The following CNTN4 variants were observed in gnomAD, a reference collection of about 807,000 sequenced individuals.
The protein encoded by CNTN4 is contactin-4.
CNTN4 carries 77 observed loss-of-function variants against 122.5 expected under a neutral mutation model. The observed-to-expected ratio is 0.63, with a 90% CI of 0.52 to 0.76. CNTN4 has a LOEUF of 0.76. CNTN4 is among the 30% of genes least tolerant of loss of function. CNTN4 has a pLI of 0.00. For synonymous variants in CNTN4, 512 were observed against 447.0 expected, an observed-to-expected ratio of 1.15 and a Z score of -1.83; for missense variants, 1,256 against 1,259.1, an observed-to-expected ratio of 1.00 and a Z score of 0.04.
chr3:2,392,545 G>A (rs2046477766), intron 3 of CNTN4, among the ~76,000 whole-genome samples: 1 of 151,746 alleles, frequency 6.6e-6, no homozygotes, highest in Admixed American at 6.6e-5. Flanking sequence ...TGTATATATG[G>A]GGTACAGTGT....
At chr3:2,358,169 A>G (rs963977940) in intron 3 of CNTN4, among the ~76,000 whole-genome samples, 1 of 152,186 alleles carries the variant, frequency 6.6e-6, no homozygotes, top group Non-Finnish European at 1.5e-5. Flanking sequence ...AAAAGGATAC[A>G]ATATTTCTAT....
At chr3:3,038,214 G>A (rs1357752058) in intron 18 of CNTN4, among the ~76,000 whole-genome samples, 1 of 152,118 alleles carries the variant, frequency 6.6e-6, no homozygotes, top group Non-Finnish European at 1.5e-5. Context: ...CTAGTCCCCT[G>A]CTTTCTTTTC....
At chr3:2,519,609 C>T (rs548476118) in intron 3 of CNTN4, among the ~76,000 whole-genome samples, 9 of 152,154 alleles carry the variant, frequency 5.9e-5, no homozygotes, top group East Asian at 1.9e-4. Flanking sequence ...GCTGAACACA[C>T]GAAGTGTGAG....
rs561555408 is a variant in CNTN4, at chr3:2,412,010, T to C, written c.-89+72777T>C. Among the ~76,000 whole-genome samples the C allele has an allele frequency of 3.3e-5, 5 of 152,328 alleles. No individual in the cohort carries two copies. The South Asian group carries it at 1.0e-3, about 32-fold the overall frequency. On this transcript the variant is annotated intron_variant, in intron 3 of 24. Coordinates refer to ENST00000418658, the MANE Select transcript of CNTN4 (RefSeq NM_175607.3). ...TTCTATCCTGAGGTAATTTGTCTTCTGACTTCTATCACCGTAGATTAATTT... is the reference window on the plus strand; with the variant it reads ...TTCTATCCTGAGGTAATTTGTCTTCCGACTTCTATCACCGTAGATTAATTT...
chr3:2,524,632 G>A (rs2149179931), intron 3 of CNTN4, among the ~76,000 whole-genome samples: 1 of 152,182 alleles, frequency 6.6e-6, no homozygotes, highest in Middle Eastern at 3.4e-3. Flanking sequence ...TTGAACAAAG[G>A]AACTATCCCT....
intron 3 of CNTN4, among the ~76,000 whole-genome samples, chr3:2,503,301 G>A (rs1019250577): frequency 6.6e-6 from 1 of 152,094 alleles, no homozygotes; most frequent in African/African-American, 2.4e-5. Flanking sequence ...TGACAAAGCA[G>A]GCATAGTAAG....
chr3:3,051,248 A>G (rs1304633194), intron 23 of CNTN4, among the ~76,000 whole-genome samples: 7 of 152,144 alleles, frequency 4.6e-5, no homozygotes, highest in African/African-American at 9.7e-5. Context: ...TATTCCCACA[A>G]ATCCATTCTT....
intron 3 of CNTN4, among the ~76,000 whole-genome samples, chr3:2,349,989 C>T (rs1273854201): frequency 6.6e-6 from 1 of 152,134 alleles, no homozygotes; most frequent in Non-Finnish European, 1.5e-5. Flanking sequence ...AGGGAACAGA[C>T]TTAGAGCAAT....
At chr3:2,777,184 A>C (rs1361737929) in intron 6 of CNTN4, among the ~76,000 whole-genome samples, 3 of 152,150 alleles carry the variant, frequency 2.0e-5, no homozygotes, top group Non-Finnish European at 4.4e-5. Context: ...GCTTTCAGGA[A>C]AATCACATTT....
chr3:2,695,938 T>C (rs1047830909), intron 4 of CNTN4, among the ~76,000 whole-genome samples: 17 of 152,254 alleles, frequency 1.1e-4, no homozygotes, highest in African/African-American at 4.1e-4. Flanking sequence ...GTGGGGGTAA[T>C]GACACTATAG....
At chr3:2,868,850 G>T (rs983858793) in intron 8 of CNTN4, among the ~76,000 whole-genome samples, 1 of 152,080 alleles carries the variant, frequency 6.6e-6, no homozygotes, top group African/African-American at 2.4e-5. Flanking sequence ...GGTGGGTTTG[G>T]GGGGTGGTGG....
chr3:3,019,900 T>C (rs1262069154), intron 14 of CNTN4, among the ~76,000 whole-genome samples: 1 of 151,078 alleles, frequency 6.6e-6, no homozygotes, highest in East Asian at 1.9e-4. Flanking sequence ...CTGAGGAGTG[T>C]ATATGAAGGT....
At chr3:2,659,619 T>C (rs2083778685) in intron 4 of CNTN4, among the ~76,000 whole-genome samples, 1 of 152,328 alleles carries the variant, frequency 6.6e-6, no homozygotes, top group East Asian at 1.9e-4. Flanking sequence ...TTTACACTAA[T>C]GTTCAAGTTG....
At chr3:2,978,063 G>C (rs1693593850) in intron 13 of CNTN4, among the ~76,000 whole-genome samples, 1 of 152,220 alleles carries the variant, frequency 6.6e-6, no homozygotes, top group African/African-American at 2.4e-5. Flanking sequence ...AGAGCCTCCA[G>C]CAGCAACCAA....
At chr3:2,323,623 C>T (rs1023014525) in intron 2 of CNTN4, among the ~76,000 whole-genome samples, 3 of 152,162 alleles carry the variant, frequency 2.0e-5, no homozygotes, top group Non-Finnish European at 4.4e-5. Flanking sequence ...CAAATATCCA[C>T]CATTAAATTA....
intron 23 of CNTN4, among the ~76,000 whole-genome samples, chr3:3,046,798 T>C (rs1022825138): frequency 6.8e-6 from 1 of 146,220 alleles, no homozygotes; most frequent in African/African-American, 2.6e-5. Context: ...TAAATGTAAA[T>C]GGGCTAAATG....
chr3:2,498,797 C>CT lies in CNTN4; in HGVS notation c.-88-72609dup, dbSNP rs1456524462. Among the ~76,000 whole-genome samples, 78 of 147,296 alleles carry CT rather than the reference C, an allele frequency of 5.3e-4. No homozygotes were observed. The Middle Eastern group carries it at 0.018, about 33-fold the overall frequency. On this transcript the variant is annotated intron_variant, in intron 3 of 24. Transcript: ENST00000418658. ...GCAATTTTTCCTCTTATTGATGGTG[C>CT]TTTTTTTTTTGAGATGAAGTCTTGC...
At chr3:3,007,732 T>A (rs1395314867) in intron 14 of CNTN4, among the ~76,000 whole-genome samples, 1 of 152,168 alleles carries the variant, frequency 6.6e-6, no homozygotes, top group Non-Finnish European at 1.5e-5. Flanking sequence ...AACCCATAGA[T>A]TGGTATGGGA....
intron 2 of CNTN4, among the ~76,000 whole-genome samples, chr3:2,171,722 C>G (rs1224454090): frequency 6.6e-6 from 1 of 152,164 alleles, no homozygotes; most frequent in East Asian, 1.9e-4. Context: ...ATGAGGGAAA[C>G]ATAGTCTCCA....
Sources: allele counts gnomAD v4.1 joint callset (sites outside exome capture counted in the v4.1 genomes callset), GRCh38; gene constraint gnomAD v4.1.1; transcripts MANE v1.5; gene names NCBI Gene and HGNC (gene_info 2026-07-23, HGNC 2026-07-21).